The following KCNIP4 variants were observed in gnomAD, a reference collection of about 807,000 sequenced individuals.
The protein encoded by KCNIP4 is Kv channel-interacting protein 4.
A neutral mutation model predicts 34.0 loss-of-function variants in KCNIP4; 12 were observed. That is an observed-to-expected ratio of 0.35 (90% CI 0.23 to 0.57). The LOEUF (loss-of-function observed/expected upper bound fraction) is 0.57, where lower values mean the gene tolerates loss of function less well. KCNIP4 is among the 20% of genes least tolerant of loss of function. The pLI, the probability that KCNIP4 is intolerant of heterozygous loss-of-function variation, is 0.83. For missense variants in KCNIP4, 238 were observed against 311.7 expected (o/e 0.76, Z 1.78); for synonymous variants, 124 against 102.2 (o/e 1.21, Z -1.29).
intron 1 of KCNIP4, among the ~76,000 whole-genome samples, chr4:21,010,413 C>T (rs534568767): frequency 1.4e-4 from 21 of 152,298 alleles, no homozygotes; most frequent in Middle Eastern, 3.4e-3. Flanking sequence ...AGTCTAATGA[C>T]GCTTCTGAAT....
chr4:21,927,130 CT>C (rs574290291), intron 1 of KCNIP4, among the ~76,000 whole-genome samples: 172 of 152,232 alleles, frequency 1.1e-3, no homozygotes, highest in African/African-American at 3.8e-3. Flanking sequence ...AACTTTGAAT[CT>C]CATTAAGCAT....
chr4:21,078,449 T>C (rs1745701875), intron 1 of KCNIP4, among the ~76,000 whole-genome samples: 2 of 152,020 alleles, frequency 1.3e-5, no homozygotes, highest in Non-Finnish European at 2.9e-5. Context: ...AGCTGCCTTC[T>C]TATATCCTCA....
At chr4:20,992,596 C>T (rs1295177770) in intron 1 of KCNIP4, among the ~76,000 whole-genome samples, 1 of 152,126 alleles carries the variant, frequency 6.6e-6, no homozygotes, top group East Asian at 1.9e-4. Context: ...CTCTCCCCCA[C>T]CCCACATACA....
At chr4:20,967,803 G>C (rs1734524876) in intron 1 of KCNIP4, among the ~76,000 whole-genome samples, 1 of 152,172 alleles carries the variant, frequency 6.6e-6, no homozygotes, top group South Asian at 2.1e-4. Context: ...AGACTTAAAT[G>C]TAAGACCTAA....
chr4:21,378,597 A>C (rs2109465592), intron 1 of KCNIP4, among the ~76,000 whole-genome samples: 1 of 152,270 alleles, frequency 6.6e-6, no homozygotes, highest in Admixed American at 6.5e-5. Flanking sequence ...CTGTTGAACT[A>C]CTACCATACA....
chr4:20,743,571 A>G (rs566476704), intron 5 of KCNIP4, among the ~76,000 whole-genome samples: 57 of 152,346 alleles, frequency 3.7e-4, no homozygotes, highest in Non-Finnish European at 7.2e-4. Flanking sequence ...AGCCATATGT[A>G]GAAAGCTGAA....
chr4:21,525,142 A>C (rs1274240455), intron 1 of KCNIP4, among the ~76,000 whole-genome samples: 1 of 152,192 alleles, frequency 6.6e-6, no homozygotes, highest in East Asian at 1.9e-4. Context: ...TTAACCAAAA[A>C]TATCTCAAAA....
At chr4:21,752,354 C>T (rs1181862977) in intron 1 of KCNIP4, among the ~76,000 whole-genome samples, 6 of 152,204 alleles carry the variant, frequency 3.9e-5, no homozygotes, top group African/African-American at 1.4e-4. Context: ...TGTACCTTCT[C>T]ACATGTCAGT....
intron 1 of KCNIP4, among the ~76,000 whole-genome samples, chr4:21,385,959 G>T (rs1721989202): frequency 1.3e-5 from 2 of 152,096 alleles, no homozygotes; most frequent in Non-Finnish European, 2.9e-5. Flanking sequence ...GGGAGAACTG[G>T]GACAAACCAT....
chr4:21,551,227 A>T (rs544176910), intron 1 of KCNIP4, among the ~76,000 whole-genome samples: 1 of 152,274 alleles, frequency 6.6e-6, no homozygotes, highest in South Asian at 2.1e-4. Flanking sequence ...TTATAAGGGC[A>T]TCATTATATT....
At position 21,165,332 on chromosome 4, in the gene KCNIP4, G is replaced by A. The variant is rs1340922222; in HGVS notation, c.62-282623C>T. 8.8e-4 allele frequency among the ~76,000 whole-genome samples: 10 copies of A among 11,398 alleles called. 2 individuals are homozygous for A. The highest frequency in any genetic ancestry group is 2.7e-3 in the South Asian group (1 of 368). The allele number at this position is 11,398 out of a possible 152,430, so 7.5% of individuals were successfully genotyped here. On this transcript the variant is annotated intron_variant, in intron 1 of 8. Coordinates refer to ENST00000382152, the MANE Select transcript of KCNIP4 (RefSeq NM_025221.6). ...TAGATGACACATTAGTGGGTGCAGC[G>A]CACCAGCATGGCACATGTATACATA...
At chr4:21,438,067 T>C (rs563875220) in intron 1 of KCNIP4, among the ~76,000 whole-genome samples, 2 of 152,292 alleles carry the variant, frequency 1.3e-5, no homozygotes, top group African/African-American at 4.8e-5. Context: ...AATCATTAGA[T>C]AGTGTGCCTT....
chr4:21,695,569 G>A (rs1185155225), intron 1 of KCNIP4, among the ~76,000 whole-genome samples: 3 of 152,092 alleles, frequency 2.0e-5, no homozygotes, highest in Non-Finnish European at 4.4e-5. Flanking sequence ...GTACCATCCA[G>A]TGATAAAGTA....
intron 1 of KCNIP4, among the ~76,000 whole-genome samples, chr4:21,918,997 A>C (rs986312705): frequency 6.6e-6 from 1 of 152,292 alleles, no homozygotes; most frequent in Non-Finnish European, 1.5e-5. Context: ...GAGAAATATA[A>C]ACAAAGAACA....
intron 1 of KCNIP4, among the ~76,000 whole-genome samples, chr4:21,477,234 G>A (rs1248938451): frequency 1.3e-5 from 2 of 152,142 alleles, no homozygotes; most frequent in African/African-American, 4.8e-5. Context: ...AACCATCTTG[G>A]CTAAACTTTA....
intron 1 of KCNIP4, among the ~76,000 whole-genome samples, chr4:21,389,736 A>G (rs1439604140): frequency 1.3e-5 from 2 of 152,072 alleles, no homozygotes; most frequent in African/African-American, 2.4e-5. Context: ...AGTCTTTTCT[A>G]TTGCGAATAG....
intron 1 of KCNIP4, among the ~76,000 whole-genome samples, chr4:21,497,993 G>A (rs1223747534): frequency 6.6e-6 from 1 of 152,100 alleles, no homozygotes; most frequent in Non-Finnish European, 1.5e-5. Flanking sequence ...TGTTGGTACA[G>A]AGCAACATCT....
chr4:21,904,091 T>C (rs544422745), intron 1 of KCNIP4, among the ~76,000 whole-genome samples: 10 of 152,118 alleles, frequency 6.6e-5, no homozygotes, highest in Non-Finnish European at 1.5e-5. Context: ...GAAAGGGCCA[T>C]GGGTAGTCCA....
intron 1 of KCNIP4, among the ~76,000 whole-genome samples, chr4:21,404,708 T>G: frequency 6.6e-6 from 1 of 152,308 alleles, no homozygotes. Flanking sequence ...AGCTATTATG[T>G]TATAAACCAA....
Sources: gnomAD v4.1 joint callset for allele counts (sites outside exome capture counted in the v4.1 genomes callset) on GRCh38, gnomAD v4.1.1 for gene constraint, MANE v1.5 for transcripts, NCBI Gene and HGNC (gene_info 2026-07-23, HGNC 2026-07-21) for gene names.